Variants in OGDHL observed in about 807,000 individuals in gnomAD.
OGDHL encodes 2-oxoglutarate dehydrogenase-like, mitochondrial.
In OGDHL, 79 loss-of-function variants were observed where a neutral mutation model predicts 109.6. The observed-to-expected ratio is 0.72, with a 90% CI of 0.60 to 0.87. OGDHL has a LOEUF of 0.87. Among genes scored for constraint, OGDHL ranks in the 40% least tolerant of loss-of-function variants. The pLI, the probability that OGDHL is intolerant of heterozygous loss-of-function variation, is 0.00. For missense variants in OGDHL, 1,275 were observed against 1,362.2 expected, an observed-to-expected ratio of 0.94 and a Z score of 1.01; for synonymous variants, 528 against 537.2, an observed-to-expected ratio of 0.98 and a Z score of 0.24.
At chr10:49,758,086 C>T (rs1843023391) in intron 2 of OGDHL, among the ~76,000 whole-genome samples, 1 of 152,206 alleles carries the variant, frequency 6.6e-6, no homozygotes, top group African/African-American at 2.4e-5. Context: ...TACACAAACA[C>T]GTATGTCCCT....
intron 10 of OGDHL, among the ~76,000 whole-genome samples, chr10:49,746,251 G>T (rs781569806): frequency 1.3e-5 from 2 of 152,208 alleles, no homozygotes; most frequent in African/African-American, 4.8e-5. Flanking sequence ...GGAAAATCCA[G>T]TCCTAACAAC....
intron 20 of OGDHL, 114 bp downstream of exon 20, chr10:49,737,672 A>T: frequency 1.8e-6 from 2 of 1,111,012 alleles, no homozygotes; most frequent in Non-Finnish European, 2.7e-6. Context: ...GAGCTGCTGC[A>T]GGTCAGCAGA....
intron 10 of OGDHL, 84 bp from the exon 11 acceptor site, chr10:49,746,061 G>A (rs765787519): frequency 5.1e-5 from 74 of 1,440,332 alleles, no homozygotes; most frequent in Non-Finnish European, 6.8e-5. Flanking sequence ...CTGAGCAGGG[G>A]GATGCTCAAG....
At chr10:49,737,411 C>T (rs1170349920) in intron 20 of OGDHL, among the ~76,000 whole-genome samples, 33 of 152,168 alleles carry the variant, frequency 2.2e-4, no homozygotes, top group Non-Finnish European at 2.9e-5. Context: ...CCAAAGACTC[C>T]TGGAGGGGAC....
At position 49,759,537 on chromosome 10, in the gene OGDHL, C is replaced by G. The variant is rs1434384195; in HGVS notation, c.-1-944G>C. ...GGTAAGAGTTCTAAGAGCCCTCTGC[C>G]AATCCTGGAGAACCCCCCAGATATC... On this transcript the variant is annotated intron_variant, in intron 1 of 22. Transcript: ENST00000374103. Among the ~76,000 whole-genome samples the G allele has an allele frequency of 2.0e-5, 3 of 151,984 alleles. No individual in the cohort carries two copies. The East Asian group carries it at 5.8e-4, about 29-fold the overall frequency.
intron 3 of OGDHL, among the ~76,000 whole-genome samples, chr10:49,753,563 C>A (rs1842740189): frequency 6.6e-6 from 1 of 152,108 alleles, no homozygotes; most frequent in Non-Finnish European, 1.5e-5. Context: ...TTCATCAAGT[C>A]TTTTTTATTA....
intron 1 of OGDHL, among the ~76,000 whole-genome samples, chr10:49,760,720 A>G (rs908531546): frequency 3.9e-5 from 6 of 152,372 alleles, no homozygotes; most frequent in Admixed American, 3.9e-4. Context: ...AAACAGAGAA[A>G]CTGAGGTGCA....
chr10:49,747,501 G>C (rs1032771582), intron 8 of OGDHL, among the ~76,000 whole-genome samples: 1 of 152,192 alleles, frequency 6.6e-6, no homozygotes, highest in African/African-American at 2.4e-5. Flanking sequence ...GGCAGGGAGA[G>C]AAGGGCAGTG....
chr10:49,743,715 C>T (rs1841967933), intron 14 of OGDHL: 1 of 292,630 alleles, frequency 3.4e-6, no homozygotes, highest in Admixed American at 4.9e-5. Context: ...CAGGGACGCC[C>T]CGGCAAAGGC....
intron 2 of OGDHL, among the ~76,000 whole-genome samples, chr10:49,757,694 C>T (rs1057452556): frequency 2.6e-5 from 4 of 152,200 alleles, no homozygotes; most frequent in African/African-American, 4.8e-5. Flanking sequence ...TGAGGCTCTT[C>T]ATGTACTGAT....
intron 20 of OGDHL, among the ~76,000 whole-genome samples, chr10:49,736,818 C>T (rs1395712322): frequency 6.6e-6 from 1 of 152,180 alleles, no homozygotes; most frequent in Non-Finnish European, 1.5e-5. Flanking sequence ...GAGAAGGCAA[C>T]ATGATGGCAT....
chr10:49,735,357 G>A lies in OGDHL; in HGVS notation c.2910-6C>T, dbSNP rs1295837377. The A allele has an allele frequency of 4.3e-6, 7 of 1,611,952 alleles. No homozygotes were observed. In the Middle Eastern group the frequency reaches 5.8e-4, roughly 132 times the overall value. ...CTGGGTCCCGGCCAACATACCTGGA[G>A]GAGGAGAGACAAGCTAAGGGGAAGG... On this transcript the variant is annotated splice_region_variant and splice_polypyrimidine_tract_variant and intron_variant, in intron 22 of 22. Coordinates refer to ENST00000374103, the MANE Select transcript of OGDHL (RefSeq NM_018245.3).
At position 49,739,708 on chromosome 10, in the gene OGDHL, G is replaced by T; in HGVS notation, c.2272C>A (p.Arg758=). 6.2e-7 allele frequency: 1 copy of T among 1,614,052 alleles called. No individual in the cohort carries two copies. Among genetic ancestry groups the T allele is most frequent in the East Asian group, 2.2e-5 (1 of 44,884 alleles). Reference sequence around the variant, plus strand: ...AGCAGCAGCACAATGCCATTATGCCGCACCCACTTGGCCTGGCCGGTGCTG... The same window carrying T: ...AGCAGCAGCACAATGCCATTATGCCTCACCCACTTGGCCTGGCCGGTGCTG... ...FISTGQAKWV[R]HNGIVLLLPH... is the part of the protein sequence containing the mutation. Residue 758 remains arginine, a synonymous_variant, in exon 17 of 23, where the codon CGG becomes AGG. Transcript: ENST00000374103.
chr10:49,738,088 G>T lies in OGDHL; in HGVS notation c.2392-16C>A. On this transcript the variant is annotated splice_polypyrimidine_tract_variant and intron_variant, in intron 18 of 22. Coordinates refer to ENST00000374103, the MANE Select transcript of OGDHL (RefSeq NM_018245.3). The stretch of plus-strand genomic sequence containing the variant: ...TGGTGAATGCCTGTGGGGACGAGAT[G>T]CATATGGCCAGGGTGGCTGTCTGCT... 1 of 1,614,140 alleles carries T rather than the reference G, an allele frequency of 6.2e-7. No homozygotes were observed. The highest frequency in any genetic ancestry group is 8.5e-7 in the Non-Finnish European group (1 of 1,180,000).
intron 7 of OGDHL, among the ~76,000 whole-genome samples, 172 bp downstream of exon 7, chr10:49,750,667 C>G (rs1284340002): frequency 2.0e-5 from 3 of 152,164 alleles, no homozygotes; most frequent in Non-Finnish European, 4.4e-5. Flanking sequence ...GCCAAGTACC[C>G]GGCAATTTCT....
intron 14 of OGDHL, among the ~76,000 whole-genome samples, chr10:49,743,218 G>A (rs1323290291): frequency 2.0e-5 from 3 of 152,374 alleles, no homozygotes; most frequent in Admixed American, 6.5e-5. Context: ...CCACGTTGCA[G>A]ACACCGTCAG....
At position 49,739,622 on chromosome 10, in the gene OGDHL, A is replaced by G. The variant is rs776915569; in HGVS notation, c.2319+39T>C. 4 of 1,600,660 alleles carry G rather than the reference A, an allele frequency of 2.5e-6. No homozygotes were observed. The African/African-American group carries it at 5.3e-5, about 21-fold the overall frequency. ...CCATCCCGCCCCTTCAAGGCCCGCCAGAACCCACCAAGCCACCAGCCACCA... is the reference window on the plus strand; with the variant it reads ...CCATCCCGCCCCTTCAAGGCCCGCCGGAACCCACCAAGCCACCAGCCACCA... On this transcript the variant is annotated intron_variant, in intron 17 of 22. Coordinates refer to ENST00000374103, the MANE Select transcript of OGDHL (RefSeq NM_018245.3).
At position 49,758,457 on chromosome 10, in the gene OGDHL, C is replaced by T; in HGVS notation, c.136G>A (p.Gly46Arg). 1.9e-6 allele frequency: 3 copies of T among 1,613,952 alleles called. No individual in the cohort carries two copies. Among genetic ancestry groups the T allele is most frequent in the Non-Finnish European group, 2.5e-6 (3 of 1,180,024 alleles). ...TCCTCCATGTAACTGGAGCCGCCTC[C>T]ACCTTTGCTGCTTGGGAAGGTGGCC... ...PPATFPSSKG[G>R]GGSSYMEEMY... is the part of the protein sequence containing the mutation. The change falls in exon 2 of 23, where the codon GGA becomes AGA. Residue 46 changes from glycine (G) to arginine (R), a missense_variant. Transcript: ENST00000374103.
chr10:49,742,993 T>C lies in OGDHL; in HGVS notation c.1862-15A>G, dbSNP rs773632546. ...GCGAGAGAGGCCTGTGGGAAAGGAG[T>C]GCTGGCCTGAGGGCCAAGGGACAGC... On this transcript the variant is annotated splice_polypyrimidine_tract_variant and intron_variant, in intron 14 of 22. Transcript: ENST00000374103. 2 of 1,610,386 alleles carry C rather than the reference T, an allele frequency of 1.2e-6. No homozygotes were observed. The highest frequency in any genetic ancestry group is 3.3e-5 in the Admixed American group (2 of 59,950).
Sources: allele counts gnomAD v4.1 joint callset (sites outside exome capture counted in the v4.1 genomes callset), GRCh38; gene constraint gnomAD v4.1.1; transcripts MANE v1.5; gene names NCBI Gene and HGNC (gene_info 2026-07-23, HGNC 2026-07-21).